The following ATP8A1 variants were observed in gnomAD, a reference collection of about 807,000 sequenced individuals.
ATP8A1 encodes the protein phospholipid-transporting ATPase IA.
ATP8A1 carries 90 observed loss-of-function variants against 177.7 expected under a neutral mutation model. The ratio of observed to expected loss-of-function variants is 0.51; its 90% CI spans 0.43 to 0.60. The LOEUF (loss-of-function observed/expected upper bound fraction) is 0.60. Ranked by LOEUF, ATP8A1 falls within the 20% of genes least tolerant of loss-of-function variation. ATP8A1 has a pLI of 0.00. For synonymous variants in ATP8A1, 493 were observed against 485.9 expected (o/e 1.01, Z -0.19); for missense variants, 1,072 against 1,392.8 (o/e 0.77, Z 3.67).
At chr4:42,646,432 C>T (rs1008323426) in intron 1 of ATP8A1, among the ~76,000 whole-genome samples, 30 of 152,218 alleles carry the variant, frequency 2.0e-4, no homozygotes, top group African/African-American at 6.3e-4. Context: ...GGAAGGGACA[C>T]GGGAAAAAGA....
At chr4:42,507,255 A>ATAAT (rs1724466421) in intron 22 of ATP8A1, 101 bp from the exon 23 acceptor site, 7 of 1,208,576 alleles carry the variant, frequency 5.8e-6, no homozygotes, top group Non-Finnish European at 7.0e-6. Flanking sequence ...AGACTAAATG[A>ATAAT]TAATTCATGG....
At chr4:42,641,913 G>A (rs1002974949) in intron 1 of ATP8A1, among the ~76,000 whole-genome samples, 1 of 152,092 alleles carries the variant, frequency 6.6e-6, no homozygotes, top group Non-Finnish European at 1.5e-5. Flanking sequence ...ATCTCAGAAT[G>A]AGTCAGTGGA....
Position 42,539,404 on chromosome 4 carries a change from C to CG in ATP8A1, c.1722+4512_1722+4513insC, listed in dbSNP as rs909762153. The stretch of plus-strand genomic sequence containing the variant: ...AAAAATAAAATAAAATACCCCCCCC[C>CG]CAACAAAAACAAAATACCAATGCCA... On this transcript the variant is annotated intron_variant, in intron 20 of 36. Transcript: ENST00000381668. Among the ~76,000 whole-genome samples the CG allele has an allele frequency of 6.2e-5, 9 of 145,880 alleles. 1 individual carries two copies. Among genetic ancestry groups the CG allele is most frequent in the Admixed American group, 1.4e-4 (2 of 14,576 alleles).
At chr4:42,459,366 A>G (rs1718838511) in intron 27 of ATP8A1, 1 of 173,010 alleles carries the variant, frequency 5.8e-6, no homozygotes, top group African/African-American at 2.4e-5. Context: ...TGTCTACTTT[A>G]TTGCTGTCAA....
At chr4:42,428,794 A>G (rs1047035009) in intron 33 of ATP8A1, among the ~76,000 whole-genome samples, 2 of 152,158 alleles carry the variant, frequency 1.3e-5, no homozygotes, top group Admixed American at 1.3e-4. Context: ...CTTGCTACAC[A>G]TAACATGTTT....
intron 25 of ATP8A1, among the ~76,000 whole-genome samples, chr4:42,470,276 A>G (rs1314247906): frequency 1.3e-5 from 2 of 152,148 alleles, no homozygotes; most frequent in African/African-American, 2.4e-5. Context: ...TGCACATGTT[A>G]TTCATTATTT....
chr4:42,570,881 AT>A (rs1435851047), intron 14 of ATP8A1, among the ~76,000 whole-genome samples: 1,791 of 152,278 alleles, frequency 0.012, 31 homozygotes, highest in African/African-American at 0.041. Flanking sequence ...CAAACCACCC[AT>A]TATAGCCTCA....
chr4:42,532,228 C>T (rs1157279469), intron 20 of ATP8A1, among the ~76,000 whole-genome samples: 1 of 152,052 alleles, frequency 6.6e-6, no homozygotes, highest in African/African-American at 2.4e-5. Flanking sequence ...AATCCCAGCA[C>T]ATTGGGAGCA....
At chr4:42,508,258 G>C (rs943126295) in intron 22 of ATP8A1, among the ~76,000 whole-genome samples, 2 of 152,158 alleles carry the variant, frequency 1.3e-5, no homozygotes, top group African/African-American at 4.8e-5. Context: ...TCAGCCTCCA[G>C]AGTAGCTTGG....
intron 1 of ATP8A1, among the ~76,000 whole-genome samples, chr4:42,656,221 T>C (rs555239748): frequency 6.6e-6 from 1 of 152,180 alleles, no homozygotes; most frequent in Non-Finnish European, 1.5e-5. Flanking sequence ...TCAGCTCAGC[T>C]GGCCGAAGTG....
chr4:42,507,745 A>G, intron 22 of ATP8A1, among the ~76,000 whole-genome samples: 1 of 137,482 alleles, frequency 7.3e-6, no homozygotes, highest in Non-Finnish European at 1.5e-5. Context: ...AAAAAAAAAA[A>G]AAAAAAAAAA....
intron 15 of ATP8A1, among the ~76,000 whole-genome samples, chr4:42,562,742 C>T (rs112602774): frequency 2.0e-5 from 3 of 152,228 alleles, no homozygotes; most frequent in African/African-American, 4.8e-5. Context: ...GTGCTGTTCT[C>T]GTGACAGTGA....
intron 6 of ATP8A1, among the ~76,000 whole-genome samples, chr4:42,593,658 CTAGTT>C (rs1445229245): frequency 6.6e-6 from 1 of 151,912 alleles, no homozygotes; most frequent in African/African-American, 2.4e-5. Context: ...TAAAATAGGA[CTAGTT>C]TATAGTTTTT....
chr4:42,429,027 CAATA>C (rs1714952532), intron 33 of ATP8A1, among the ~76,000 whole-genome samples: 2 of 152,240 alleles, frequency 1.3e-5, no homozygotes, highest in South Asian at 4.2e-4. Context: ...AGCAGATGTT[CAATA>C]AATAATTGCT....
chr4:42,656,321 T>G (rs1227289919), intron 1 of ATP8A1, among the ~76,000 whole-genome samples: 1 of 152,188 alleles, frequency 6.6e-6, no homozygotes, highest in African/African-American at 2.4e-5. Context: ...GCAGAAGCTG[T>G]AATGCAGGGA....
At chr4:42,595,179 C>A (rs536528778) in intron 6 of ATP8A1, among the ~76,000 whole-genome samples, 2 of 152,178 alleles carry the variant, frequency 1.3e-5, no homozygotes, top group Admixed American at 1.3e-4. Context: ...ACATGAATTT[C>A]AATACTTAAT....
intron 18 of ATP8A1, among the ~76,000 whole-genome samples, chr4:42,549,635 A>C (rs967396278): frequency 7.9e-5 from 12 of 152,038 alleles, no homozygotes; most frequent in Non-Finnish European, 2.9e-5. Context: ...TTAAAAAAAT[A>C]AATTAAAAAA....
chr4:42,420,770 C>CTCT (rs1560304294), intron 35 of ATP8A1, among the ~76,000 whole-genome samples: 12 of 121,254 alleles, frequency 9.9e-5, no homozygotes, highest in African/African-American at 9.5e-5. Context: ...AGCTAGAACT[C>CTCT]TTTTTTTTTT....
intron 10 of ATP8A1, among the ~76,000 whole-genome samples, chr4:42,581,259 G>A (rs1733023043): frequency 1.3e-5 from 2 of 151,912 alleles, no homozygotes; most frequent in Non-Finnish European, 2.9e-5. Context: ...TCAGCCTCCC[G>A]AGTAGCTGGG....
Sources: gnomAD v4.1 joint callset for allele counts (sites outside exome capture counted in the v4.1 genomes callset) on GRCh38, gnomAD v4.1.1 for gene constraint, MANE v1.5 for transcripts, NCBI Gene and HGNC (gene_info 2026-07-23, HGNC 2026-07-21) for gene names.